The following PCDHGA4 variants were observed in gnomAD, a reference collection of about 807,000 sequenced individuals.
PCDHGA4 encodes the protein protocadherin gamma subfamily A, 4.
A neutral mutation model predicts 54.6 loss-of-function variants in PCDHGA4; 38 were observed. The ratio of observed to expected loss-of-function variants is 0.70; its 90% CI spans 0.54 to 0.91. The LOEUF is 0.91. PCDHGA4 is among the 40% of genes least tolerant of loss of function. The pLI is 0.00. For synonymous variants in PCDHGA4, 511 were observed against 512.9 expected (o/e 1.00, Z 0.05); for missense variants, 1,298 against 1,220.9 (o/e 1.06, Z -0.94).
chr5:141,480,240 C>CAA (rs11374694), intron 1 of PCDHGA4, among the ~76,000 whole-genome samples: 156 of 114,060 alleles, frequency 1.4e-3, no homozygotes, highest in Admixed American at 4.6e-3. Flanking sequence ...CCTGTCTCTA[C>CAA]AAAAAAAAAA....
rs1015619417 is a variant in PCDHGA4 at position 141,455,526 on chromosome 5, C to T, written c.2515-39281C>T. Among the ~76,000 whole-genome samples the T allele has an allele frequency of 2.0e-5, 3 of 152,106 alleles. 1 individual carries two copies. Among genetic ancestry groups the T allele is most frequent in the South Asian group, 4.1e-4 (2 of 4,826 alleles). ...CATAGGGCTCAGGGGATTGGTTTGA[C>T]CAGGCATATCATTCACGTAGCCCGA... On this transcript the variant is annotated intron_variant, in intron 1 of 3. Coordinates refer to ENST00000571252, the MANE Select transcript of PCDHGA4 (RefSeq NM_018917.4).
chr5:141,365,305 C>A, intron 1 of PCDHGA4: 4 of 1,613,926 alleles, frequency 2.5e-6, no homozygotes, highest in Non-Finnish European at 3.4e-6. Context: ...AGGATGGAGG[C>A]GCTCTTGTTG....
chr5:141,480,217 G>A (rs1443825272), intron 1 of PCDHGA4, among the ~76,000 whole-genome samples: 2 of 147,950 alleles, frequency 1.4e-5, no homozygotes, highest in Non-Finnish European at 3.0e-5. Context: ...CAGCCTGAGC[G>A]ACATAGTGAG....
intron 1 of PCDHGA4, among the ~76,000 whole-genome samples, chr5:141,437,491 T>C (rs1428543921): frequency 6.6e-6 from 1 of 152,184 alleles, no homozygotes; most frequent in Non-Finnish European, 1.5e-5. Flanking sequence ...ATCTCGTAGA[T>C]CACTTTTCAA....
chr5:141,430,108 G>A (rs572634913), intron 1 of PCDHGA4, among the ~76,000 whole-genome samples: 1 of 152,190 alleles, frequency 6.6e-6, no homozygotes, highest in South Asian at 2.1e-4. Context: ...AGCGTTACAT[G>A]TCAACAACCT....
intron 1 of PCDHGA4, chr5:141,376,742 A>C (rs1191231453): frequency 2.1e-6 from 1 of 487,580 alleles, no homozygotes; most frequent in Non-Finnish European, 3.5e-6. Flanking sequence ...TGCGGACTGC[A>C]GTGGCGCAAT....
At chr5:141,440,165 A>G (rs935524872) in intron 1 of PCDHGA4, 2 of 152,300 alleles carry the variant, frequency 1.3e-5, no homozygotes, top group African/African-American at 4.8e-5. Flanking sequence ...AGCTTGGGCC[A>G]TAACGCTTTG....
At chr5:141,384,236 A>T in intron 1 of PCDHGA4, 1 of 1,613,886 alleles carries the variant, frequency 6.2e-7, no homozygotes, top group Non-Finnish European at 8.5e-7. Context: ...GCAGACACCA[A>T]CGATAACCCA....
intron 1 of PCDHGA4, among the ~76,000 whole-genome samples, chr5:141,450,894 G>C (rs919860611): frequency 6.7e-6 from 1 of 148,956 alleles, no homozygotes; most frequent in Admixed American, 6.7e-5. Context: ...GTGCGATATC[G>C]GCTCACTGCA....
chr5:141,372,920 T>A (rs1390656899), intron 1 of PCDHGA4: 22 of 1,005,592 alleles, frequency 2.2e-5, no homozygotes, highest in Non-Finnish European at 3.0e-5. Context: ...ATTTTATTGA[T>A]TTTCTGGTGT....
At chr5:141,360,231 G>T in intron 1 of PCDHGA4, 2 of 1,613,880 alleles carry the variant, frequency 1.2e-6, no homozygotes, top group Non-Finnish European at 1.7e-6. Flanking sequence ...TCCCAGTCCA[G>T]ATCCGCTATT....
intron 1 of PCDHGA4, among the ~76,000 whole-genome samples, chr5:141,452,137 G>A (rs2154563838): frequency 6.6e-6 from 1 of 152,162 alleles, no homozygotes; most frequent in East Asian, 1.9e-4. Flanking sequence ...TGGCTCATGT[G>A]TTTTTTCCAA....
chr5:141,394,435 C>T, intron 1 of PCDHGA4: 1 of 1,614,246 alleles, frequency 6.2e-7, no homozygotes, highest in Non-Finnish European at 8.5e-7. Flanking sequence ...GGGGACCCGC[C>T]CCTCAGCAGC....
chr5:141,392,661 A>T, intron 1 of PCDHGA4: 1 of 803,300 alleles, frequency 1.2e-6, no homozygotes, highest in Non-Finnish European at 1.9e-6. Context: ...CAGATGCCAC[A>T]AACTAACTGC....
chr5:141,489,830 A>G lies in PCDHGA4; in HGVS notation c.2515-4977A>G, dbSNP rs760376311. On this transcript the variant is annotated intron_variant, in intron 1 of 3. Coordinates refer to ENST00000571252, the MANE Select transcript of PCDHGA4 (RefSeq NM_018917.4). The surrounding 1 kb of genome is among the most constrained non-coding windows in gnomAD (Gnocchi z 4.5). ...AAGCCATTCCCAGAGCTGGTGCTAG[A>G]GCAGCAGCTGGATCGTGAAGCCCAG... 1.9e-6 allele frequency: 3 copies of G among 1,614,200 alleles called. No individual in the cohort carries two copies. Among genetic ancestry groups the G allele is most frequent in the East Asian group, 2.2e-5 (1 of 44,878 alleles).
At chr5:141,394,140 G>T (rs2092926485) in intron 1 of PCDHGA4, 1 of 1,613,868 alleles carries the variant, frequency 6.2e-7, no homozygotes, top group Non-Finnish European at 8.5e-7. Flanking sequence ...TCTGCACGTG[G>T]CAGACATTAA....
In PCDHGA4 at chr5:141,476,299, C is replaced by T; in HGVS notation, c.2515-18508C>T. ...ACCTTGGTTTGGATCTCGGTAGCCT[C>T]TCAGCCCGCAGGTTCCGGGTGGTGT... On this transcript the variant is annotated intron_variant, in intron 1 of 3. Transcript: ENST00000571252. The surrounding 1 kb of genome is among the most constrained non-coding windows in gnomAD (Gnocchi z 7.6). The T allele has an allele frequency of 6.2e-7, 1 of 1,614,100 alleles. No individual in the cohort carries two copies. The highest frequency in any genetic ancestry group is 1.1e-5 in the South Asian group (1 of 91,074).
chr5:141,490,611 G>A lies in PCDHGA4; in HGVS notation c.2515-4196G>A, dbSNP rs1442281165. 1 of 1,614,052 alleles carries A rather than the reference G, an allele frequency of 6.2e-7. No homozygotes were observed. The highest frequency in any genetic ancestry group is 1.3e-5 in the African/African-American group (1 of 74,914). On this transcript the variant is annotated intron_variant, in intron 1 of 3. Coordinates refer to ENST00000571252, the MANE Select transcript of PCDHGA4 (RefSeq NM_018917.4). This position sits in a 1 kb window ranked among gnomAD's most constrained non-coding sequence, Gnocchi z 5.4. ...ACAATGCACCCCGCTTCAACCAGCA[G>A]CTTTACACTGCTTACATCCTAGAAA...
At chr5:141,435,054 C>A (rs891988253) in intron 1 of PCDHGA4, among the ~76,000 whole-genome samples, 7 of 151,964 alleles carry the variant, frequency 4.6e-5, no homozygotes, top group Admixed American at 1.3e-4. Context: ...ATTGACCATG[C>A]AGCAGTTTTG....
Sources: gnomAD v4.1 joint callset for allele counts (sites outside exome capture counted in the v4.1 genomes callset) on GRCh38, gnomAD v4.1.1 for gene constraint, Gnocchi (gnomAD v3.1) non-coding constraint, MANE v1.5 for transcripts, NCBI Gene and HGNC (gene_info 2026-07-23, HGNC 2026-07-21) for gene names.